RAPH1: variants seen among roughly 807,000 people sequenced by gnomAD.
RAPH1 encodes the protein ras-associated and pleckstrin homology domains-containing protein 1.
A neutral mutation model predicts 88.1 loss-of-function variants in RAPH1; 18 were observed. That is an observed-to-expected ratio of 0.20 (90% CI 0.14 to 0.30). The LOEUF (loss-of-function observed/expected upper bound fraction) is 0.30, where lower values mean the gene tolerates loss of function less well. RAPH1 is among the 10% of genes least tolerant of loss of function. The probability of loss-of-function intolerance (pLI) is 1.00; values close to 1 mark genes in which losing one functional copy is unlikely to be tolerated. For synonymous variants in RAPH1, 587 were observed against 559.0 expected (o/e 1.05, Z -0.71); for missense variants, 1,448 against 1,543.2 (o/e 0.94, Z 1.03).
intron 4 of RAPH1, among the ~76,000 whole-genome samples, chr2:203,474,110 G>A (rs894469040): frequency 6.6e-6 from 1 of 152,176 alleles, no homozygotes; most frequent in African/African-American, 2.4e-5. Flanking sequence ...CTACAGTCCT[G>A]GAGGATGATT....
chr2:203,439,278 G>A lies in RAPH1; in HGVS notation c.*159C>T, dbSNP rs569361906. ...ACATATATACACACACTGTACAGCT[G>A]TGTGTACATGCACGTGTACACACAC... On this transcript the variant is annotated 3_prime_UTR_variant, in exon 14 of 14. Coordinates refer to ENST00000319170, the MANE Select transcript of RAPH1 (RefSeq NM_213589.3). 21 of 628,898 alleles carry A rather than the reference G, an allele frequency of 3.3e-5. No homozygotes were observed. The African/African-American group carries it at 3.8e-4, about 11-fold the overall frequency. The allele number at this position is 628,898 out of a possible 1,614,324, so 39.0% of individuals were successfully genotyped here.
At chr2:203,493,971 CAAAAAAAA>C (rs397937732) in intron 2 of RAPH1, among the ~76,000 whole-genome samples, 17 of 18,962 alleles carry the variant, frequency 9.0e-4, no homozygotes, top group African/African-American at 1.8e-3. Context: ...GACTCTATCT[CAAAAAAAA>C]AAAAAAAAAA....
intron 10 of RAPH1, among the ~76,000 whole-genome samples, chr2:203,449,342 C>T (rs1306837391): frequency 6.6e-6 from 1 of 152,216 alleles, no homozygotes; most frequent in Admixed American, 6.5e-5. Context: ...CAAGAATCTA[C>T]AGTCACACCT....
intron 10 of RAPH1, among the ~76,000 whole-genome samples, chr2:203,452,948 A>C (rs552900363): frequency 2.0e-4 from 31 of 152,186 alleles, no homozygotes; most frequent in Non-Finnish European, 3.8e-4. Flanking sequence ...AAATAAATAA[A>C]TAAATAAATA....
At chr2:203,519,567 T>G (rs530451279) in intron 1 of RAPH1, among the ~76,000 whole-genome samples, 3 of 152,210 alleles carry the variant, frequency 2.0e-5, no homozygotes, top group African/African-American at 7.2e-5. Context: ...AACTTGAAGC[T>G]TTCCCACTAA....
At chr2:203,443,160 G>A (rs936959064) in intron 13 of RAPH1, 6 of 152,128 alleles carry the variant, frequency 3.9e-5, no homozygotes, top group South Asian at 2.1e-4. Flanking sequence ...AGCCCAGTTA[G>A]TGAACCACAT....
chr2:203,449,709 T>A lies in RAPH1; in HGVS notation c.1414-873A>T, dbSNP rs566378132. Among the ~76,000 whole-genome samples the A allele has an allele frequency of 4.6e-5, 7 of 151,992 alleles. No individual in the cohort carries two copies. The East Asian group carries it at 1.2e-3, about 25-fold the overall frequency. ...ATGGCTATAATTTGCCTGGAAAAAA[T>A]TTTAAATTTGTGTTCAGTTATAAGA... On this transcript the variant is annotated intron_variant, in intron 10 of 13. Transcript: ENST00000319170.
intron 4 of RAPH1, among the ~76,000 whole-genome samples, chr2:203,473,528 T>G (rs968550379): frequency 6.6e-6 from 1 of 152,120 alleles, no homozygotes; most frequent in Non-Finnish European, 1.5e-5. Context: ...AATTGTGGTT[T>G]TGGTTCAGAA....
At chr2:203,457,048 A>G (rs1238708986) in intron 8 of RAPH1, among the ~76,000 whole-genome samples, 2 of 152,136 alleles carry the variant, frequency 1.3e-5, no homozygotes, top group African/African-American at 2.4e-5. Flanking sequence ...CAGTGGCCTA[A>G]CACGTTCACA....
At chr2:203,457,398 C>A in intron 8 of RAPH1, 132 bp downstream of exon 8, 1 of 767,308 alleles carries the variant, frequency 1.3e-6, no homozygotes, top group East Asian at 2.5e-5. Context: ...CTTGGGCAGG[C>A]TGGTCTTGAA....
At chr2:203,455,375 C>G in intron 9 of RAPH1, 62 bp downstream of exon 9, 3 of 1,506,550 alleles carry the variant, frequency 2.0e-6, no homozygotes, top group South Asian at 2.5e-5. Context: ...TCAGCATACT[C>G]AATACAAATT....
chr2:203,467,688 G>A (rs1236056379), intron 4 of RAPH1, among the ~76,000 whole-genome samples: 21 of 152,132 alleles, frequency 1.4e-4, no homozygotes, highest in Admixed American at 1.2e-3. Context: ...ACTTGTGTAC[G>A]TGCAGGTTTT....
intron 13 of RAPH1, 73 bp downstream of exon 13, chr2:203,444,795 C>T: frequency 7.2e-6 from 10 of 1,384,312 alleles, no homozygotes; most frequent in East Asian, 2.3e-5. Context: ...CCGATAAAGA[C>T]ATAAGAGAGC....
chr2:203,481,975 GACCTAA>G (rs1687750245), intron 4 of RAPH1, among the ~76,000 whole-genome samples: 1 of 149,326 alleles, frequency 6.7e-6, no homozygotes, highest in South Asian at 2.1e-4. Context: ...AACAAAAACA[GACCTAA>G]ACCTAAAGAT....
At chr2:203,525,061 C>T (rs1690052581) in intron 1 of RAPH1, among the ~76,000 whole-genome samples, 1 of 152,162 alleles carries the variant, frequency 6.6e-6, no homozygotes, top group Non-Finnish European at 1.5e-5. Context: ...ATAAATGAAA[C>T]ATCTGTCCAT....
intron 1 of RAPH1, among the ~76,000 whole-genome samples, chr2:203,511,026 T>C (rs1357200337): frequency 6.6e-6 from 1 of 152,186 alleles, no homozygotes; most frequent in Non-Finnish European, 1.5e-5. Flanking sequence ...CCATGAACTC[T>C]GTACCTCTAT....
At chr2:203,457,717 C>T (rs1160881049) in intron 7 of RAPH1, 122 bp from the exon 8 acceptor site, 2 of 770,510 alleles carry the variant, frequency 2.6e-6, no homozygotes, top group Non-Finnish European at 2.2e-6. Context: ...GAAATAGCAA[C>T]TCTGATTTCT....
chr2:203,447,118 T>G (rs1325668496), intron 12 of RAPH1: 1 of 152,050 alleles, frequency 6.6e-6, no homozygotes, highest in East Asian at 1.9e-4. Context: ...TCATCTTGTA[T>G]ATATTCTCTG....
chr2:203,516,704 C>T (rs758827618), intron 1 of RAPH1, among the ~76,000 whole-genome samples: 2 of 151,904 alleles, frequency 1.3e-5, no homozygotes, highest in Non-Finnish European at 2.9e-5. Context: ...TGCACTCCAG[C>T]CCAGACAACA....
Sources: allele counts gnomAD v4.1 joint callset (sites outside exome capture counted in the v4.1 genomes callset), GRCh38; gene constraint gnomAD v4.1.1; transcripts MANE v1.5; gene names NCBI Gene and HGNC (gene_info 2026-07-23, HGNC 2026-07-21).